FBXL5: variants seen among roughly 807,000 people sequenced by gnomAD.
FBXL5 encodes F-box and leucine rich repeat protein 5.
FBXL5 carries 26 observed loss-of-function variants against 78.3 expected under a neutral mutation model. The observed-to-expected ratio is 0.33, with a 90% CI of 0.24 to 0.46. The LOEUF (loss-of-function observed/expected upper bound fraction) is 0.46, where lower values mean the gene tolerates loss of function less well. Among genes scored for constraint, FBXL5 ranks in the 20% least tolerant of loss-of-function variants. The pLI is 1.00. For synonymous variants in FBXL5, 295 were observed against 282.5 expected (o/e 1.04, Z -0.45); for missense variants, 710 against 829.2 (o/e 0.86, Z 1.77).
At chr4:15,653,384 G>C (rs894671086) in intron 1 of FBXL5, among the ~76,000 whole-genome samples, 3 of 152,168 alleles carry the variant, frequency 2.0e-5, no homozygotes, top group Non-Finnish European at 2.9e-5. Flanking sequence ...GACAGAAAAA[G>C]AGCGACTAAC....
chr4:15,655,036 G>A (rs1224052665), intron 1 of FBXL5, among the ~76,000 whole-genome samples, 168 bp downstream of exon 1: 1 of 150,970 alleles, frequency 6.6e-6, no homozygotes, highest in Non-Finnish European at 1.5e-5. Flanking sequence ...CCTCGCAGCG[G>A]GCGGGCAGGC....
At chr4:15,613,836 A>G (rs1009803431) in intron 9 of FBXL5, among the ~76,000 whole-genome samples, 2 of 57,124 alleles carry the variant, frequency 3.5e-5, no homozygotes, top group Non-Finnish European at 7.4e-5. Context: ...TCCATATCTT[A>G]TAACTTTTGT....
chr4:15,644,907 T>G (rs547045502), intron 1 of FBXL5, among the ~76,000 whole-genome samples, 199 bp from the exon 2 acceptor site: 1 of 152,322 alleles, frequency 6.6e-6, no homozygotes, highest in African/African-American at 2.4e-5. Flanking sequence ...AAGATGTTGG[T>G]TTGCATTCTG....
intron 10 of FBXL5, among the ~76,000 whole-genome samples, chr4:15,611,551 C>T (rs887712903): frequency 3.9e-5 from 6 of 152,058 alleles, no homozygotes; most frequent in Non-Finnish European, 8.8e-5. Context: ...CAGTCTCTAC[C>T]AGTGACTATC....
In FBXL5 at chr4:15,612,371, T is replaced by C. The variant is rs1321563960; in HGVS notation, c.1894A>G (p.Asn632Asp). 1.2e-6 allele frequency: 2 copies of C among 1,612,182 alleles called. No individual in the cohort carries two copies. Among genetic ancestry groups the C allele is most frequent in the Non-Finnish European group, 1.7e-6 (2 of 1,179,226 alleles). Residue 632 changes from asparagine to aspartate, a missense_variant, in exon 10 of 11, where the codon AAT (asparagine) becomes GAT (aspartate). By Grantham distance (23) the Asn-to-Asp change is conservative. This residue lies in a region of FBXL5 where 58 missense variants were observed against 112.3 expected (regional missense o/e 0.52). Coordinates refer to ENST00000341285, the MANE Select transcript of FBXL5 (RefSeq NM_012161.4). Reference protein sequence around the residue: ...GGGLPYLEHLNLSGCLTITGA... With the variant: ...GGGLPYLEHLDLSGCLTITGA... ...GTTATAGTAAGACAACCAGAGAGAT[T>C]AAGGTGCTCCAAATAAGGCAGCCCT... is the stretch of plus-strand genomic sequence containing the variant.
intron 1 of FBXL5, 125 bp from the exon 2 acceptor site, chr4:15,644,833 C>A: frequency 1.6e-6 from 1 of 641,770 alleles, no homozygotes; most frequent in Non-Finnish European, 2.6e-6. Flanking sequence ...GGTTAAAGTA[C>A]AAATAAAAGA....
chr4:15,620,427 C>T (rs1360859006), intron 9 of FBXL5, among the ~76,000 whole-genome samples: 7 of 152,026 alleles, frequency 4.6e-5, no homozygotes, highest in Admixed American at 6.6e-5. Context: ...TAGAAAAAAC[C>T]GACCCTAAAA....
At chr4:15,644,819 A>G in intron 1 of FBXL5, 111 bp from the exon 2 acceptor site, 1 of 695,038 alleles carries the variant, frequency 1.4e-6, no homozygotes, top group East Asian at 2.7e-5. Context: ...CTTCCCTTAC[A>G]CTTGGTTAAA....
intron 2 of FBXL5, 43 bp from the exon 3 acceptor site, chr4:15,640,926 T>A: frequency 9.2e-7 from 1 of 1,089,608 alleles, no homozygotes; most frequent in African/African-American, 1.6e-5. Flanking sequence ...AAGTTTCGCT[T>A]CATTAATTAT....
At chr4:15,670,249 A>G (rs1717705064) in intron 1 of FBXL5, among the ~76,000 whole-genome samples, 1 of 152,210 alleles carries the variant, frequency 6.6e-6, no homozygotes, top group African/African-American at 2.4e-5. Flanking sequence ...TGCATGAACA[A>G]ATATTTCATT....
At chr4:15,634,980 G>A (rs973799636) in intron 5 of FBXL5, among the ~76,000 whole-genome samples, 8 of 152,104 alleles carry the variant, frequency 5.3e-5, no homozygotes, top group Admixed American at 3.3e-4. Context: ...GACGATATAA[G>A]TCTACCTAAT....
intron 5 of FBXL5, among the ~76,000 whole-genome samples, chr4:15,635,852 A>G (rs1341760348): frequency 6.6e-6 from 1 of 152,026 alleles, no homozygotes; most frequent in Non-Finnish European, 1.5e-5. Context: ...TTAACCCATA[A>G]CTGCATTATA....
intron 5 of FBXL5, among the ~76,000 whole-genome samples, chr4:15,634,169 A>G (rs1713983013): frequency 6.6e-6 from 1 of 152,126 alleles, no homozygotes; most frequent in South Asian, 2.1e-4. Flanking sequence ...AAATAAATAA[A>G]AACCGATTTC....
intron 5 of FBXL5, among the ~76,000 whole-genome samples, chr4:15,633,176 A>G (rs545372815): frequency 2.6e-5 from 4 of 152,390 alleles, no homozygotes; most frequent in African/African-American, 4.8e-5. Flanking sequence ...TTCCCAAAGT[A>G]AATCTTTCTC....
At chr4:15,652,548 A>G (rs1323039566) in intron 1 of FBXL5, among the ~76,000 whole-genome samples, 1 of 152,220 alleles carries the variant, frequency 6.6e-6, no homozygotes, top group Non-Finnish European at 1.5e-5. Flanking sequence ...ATTGTACAGC[A>G]ATATTTAAAA....
intron 10 of FBXL5, among the ~76,000 whole-genome samples, chr4:15,609,436 G>A (rs1050432657): frequency 1.3e-5 from 2 of 151,876 alleles, no homozygotes; most frequent in African/African-American, 2.4e-5. Flanking sequence ...TATTACTTAT[G>A]CTGTATATCT....
chr4:15,646,979 T>C (rs1448993296), intron 1 of FBXL5, among the ~76,000 whole-genome samples: 2 of 151,806 alleles, frequency 1.3e-5, no homozygotes. Context: ...TCCCAGCACT[T>C]TGAGAGGCTG....
At chr4:15,644,820 C>T (rs1715206272) in intron 1 of FBXL5, 112 bp from the exon 2 acceptor site, 3 of 696,426 alleles carry the variant, frequency 4.3e-6, no homozygotes, top group Non-Finnish European at 7.0e-6. Context: ...TTCCCTTACA[C>T]TTGGTTAAAG....
At chr4:15,606,441 G>A in intron 10 of FBXL5, among the ~76,000 whole-genome samples, 1 of 151,918 alleles carries the variant, frequency 6.6e-6, no homozygotes, top group Non-Finnish European at 1.5e-5. Flanking sequence ...AAAAATCTGT[G>A]GAATAACTGA....
Sources: allele counts gnomAD v4.1 joint callset (sites outside exome capture counted in the v4.1 genomes callset), GRCh38; gene constraint gnomAD v4.1.1; regional missense constraint gnomAD v4.1.1; transcripts MANE v1.5; gene names NCBI Gene and HGNC (gene_info 2026-07-23, HGNC 2026-07-21).